TRAK1: variants seen among roughly 807,000 people sequenced by gnomAD.
TRAK1 encodes the protein trafficking kinesin-binding protein 1.
TRAK1 carries 33 observed loss-of-function variants against 92.1 expected under a neutral mutation model. That is an observed-to-expected ratio of 0.36 (90% CI 0.27 to 0.48). The LOEUF (loss-of-function observed/expected upper bound fraction) is 0.48. Among genes scored for constraint, TRAK1 ranks in the 20% least tolerant of loss-of-function variants. The pLI is 0.99. For missense variants in TRAK1, 1,123 were observed against 1,257.9 expected (o/e 0.89, Z 1.62); for synonymous variants, 521 against 517.3 (o/e 1.01, Z -0.10).
At chr3:42,121,227 G>T (rs1196795970) in intron 1 of TRAK1, among the ~76,000 whole-genome samples, 1 of 150,768 alleles carries the variant, frequency 6.6e-6, no homozygotes, top group Non-Finnish European at 1.5e-5. Context: ...CTGGCTTGAT[G>T]TTTGGCATGG....
At chr3:42,186,739 T>C (rs1559894754) in intron 4 of TRAK1, among the ~76,000 whole-genome samples, 1 of 152,168 alleles carries the variant, frequency 6.6e-6, no homozygotes, top group Admixed American at 6.5e-5. Context: ...TCTCTGGGAG[T>C]GGAAATGCCT....
At chr3:42,193,011 T>A in intron 7 of TRAK1, 64 bp from the exon 8 acceptor site, 1 of 1,581,654 alleles carries the variant, frequency 6.3e-7, no homozygotes, top group South Asian at 1.2e-5. Context: ...AAGAAACCAT[T>A]CTCTCTGGGT....
chr3:42,150,640 G>A (rs575256033), intron 2 of TRAK1, among the ~76,000 whole-genome samples: 1 of 152,098 alleles, frequency 6.6e-6, no homozygotes, highest in Non-Finnish European at 1.5e-5. Flanking sequence ...AACAGGCTGG[G>A]ACCTGGCCTA....
chr3:42,110,013 A>T (rs530787821), intron 1 of TRAK1, among the ~76,000 whole-genome samples: 1 of 146,512 alleles, frequency 6.8e-6, no homozygotes, highest in Non-Finnish European at 1.5e-5. Flanking sequence ...TGATGAGTTA[A>T]TGGGTGCAGC....
intron 2 of TRAK1, among the ~76,000 whole-genome samples, chr3:42,135,421 C>T (rs1697823216): frequency 1.3e-5 from 2 of 152,138 alleles, no homozygotes; most frequent in Admixed American, 1.3e-4. Context: ...GGAGGGAATA[C>T]CACGGTGATG....
At chr3:42,124,557 G>A (rs925447250) in intron 1 of TRAK1, among the ~76,000 whole-genome samples, 13 of 152,134 alleles carry the variant, frequency 8.5e-5, no homozygotes, top group African/African-American at 1.7e-4. Flanking sequence ...TTGGTTCTCC[G>A]TCACAGGCAT....
intron 1 of TRAK1, among the ~76,000 whole-genome samples, chr3:42,029,025 G>A (rs1702017550): frequency 6.6e-6 from 1 of 152,142 alleles, no homozygotes; most frequent in Admixed American, 6.5e-5. Flanking sequence ...GAGGCCTCAG[G>A]AAACTTACAA....
chr3:42,045,213 A>G (rs916758410), intron 1 of TRAK1, among the ~76,000 whole-genome samples: 6 of 152,136 alleles, frequency 3.9e-5, no homozygotes, highest in African/African-American at 1.4e-4. Flanking sequence ...AAAATTTTGA[A>G]GGAGGAATCA....
chr3:42,211,533 T>C (rs1286137686), intron 14 of TRAK1: 2 of 985,356 alleles, frequency 2.0e-6, no homozygotes, highest in Non-Finnish European at 2.4e-6. Context: ...TGCAGAAACA[T>C]GATGCCTGGC....
rs778900060 is a variant in TRAK1 at position 42,202,398 on chromosome 3, T to G, written c.1428-38T>G. 1.4e-6 allele frequency: 2 copies of G among 1,457,974 alleles called. No individual in the cohort carries two copies. The highest frequency in any genetic ancestry group is 1.8e-6 in the Non-Finnish European group (2 of 1,100,508). 90.3% of individuals were successfully genotyped at this position (1,457,974 alleles called of 1,614,324 possible). ...TCGGGCCTCTGTGGCCTTGGAGCCC[T>G]GCTGGCATTCCACCCTCACACCCCT... On this transcript the variant is annotated intron_variant, in intron 12 of 15. Coordinates refer to ENST00000327628, the MANE Select transcript of TRAK1 (RefSeq NM_001042646.3). This position sits in a 1 kb window ranked among gnomAD's most constrained non-coding sequence, Gnocchi z 6.1.
chr3:42,143,090 G>A (rs1698877468), intron 2 of TRAK1, among the ~76,000 whole-genome samples: 2 of 152,178 alleles, frequency 1.3e-5, no homozygotes, highest in South Asian at 4.1e-4. Context: ...TGCTGCTGAT[G>A]GATTGGAGGG....
chr3:42,105,594 T>G (rs552277898), intron 1 of TRAK1, among the ~76,000 whole-genome samples: 1 of 152,186 alleles, frequency 6.6e-6, no homozygotes, highest in Non-Finnish European at 1.5e-5. Flanking sequence ...GGAAACACTC[T>G]TCAGGATATT....
intron 3 of TRAK1, among the ~76,000 whole-genome samples, chr3:42,180,361 C>CG (rs1183362945): frequency 2.6e-5 from 4 of 152,028 alleles, no homozygotes; most frequent in African/African-American, 9.7e-5. Context: ...GGCTGAGCAA[C>CG]GTGGCTCACA....
At chr3:42,060,543 C>T (rs1211454728) in intron 1 of TRAK1, among the ~76,000 whole-genome samples, 1 of 151,656 alleles carries the variant, frequency 6.6e-6, no homozygotes, top group African/African-American at 2.4e-5. Context: ...GGTTTATAGT[C>T]TCAGTCTGTC....
At chr3:42,190,596 CTCACCCAAAGCTAGCTGAGGGAA>C (rs1375983745) in intron 6 of TRAK1, among the ~76,000 whole-genome samples, 3 of 152,156 alleles carry the variant, frequency 2.0e-5, no homozygotes, top group African/African-American at 7.2e-5. Context: ...CGCCCAGCAA[CTCACCCAAAGCTAGCTGAGGGAA>C]TCTGATCCCA....
At chr3:42,199,061 G>A (rs1314588615) in intron 10 of TRAK1, 116 bp from the exon 11 acceptor site, 4 of 985,690 alleles carry the variant, frequency 4.1e-6, no homozygotes, top group East Asian at 5.1e-5. Context: ...TGGGAAGACC[G>A]TGAGCTTCTG....
intron 6 of TRAK1, among the ~76,000 whole-genome samples, chr3:42,190,483 C>G (rs1705551939): frequency 6.6e-6 from 1 of 152,188 alleles, no homozygotes; most frequent in Non-Finnish European, 1.5e-5. Flanking sequence ...TAGGTTTCCT[C>G]TGCCAGCCAG....
At chr3:42,149,180 T>C in intron 2 of TRAK1, 1 of 1,040,390 alleles carries the variant, frequency 9.6e-7, no homozygotes, top group East Asian at 8.0e-5. Context: ...AGTGGTGGTG[T>C]GTGTCTCTGA....
Position 42,184,689 on chromosome 3 carries a change from A to G in TRAK1, c.368A>G (p.Glu123Gly). The G allele has an allele frequency of 6.2e-7, 1 of 1,614,014 alleles. No individual in the cohort carries two copies. The highest frequency in any genetic ancestry group is 2.2e-5 in the East Asian group (1 of 44,886). Residue 123 changes from glutamate to glycine, a missense_variant, in exon 4 of 16, where the codon GAG becomes GGG. Coordinates refer to ENST00000327628, the MANE Select transcript of TRAK1 (RefSeq NM_001042646.3). ...DAVTRLLEEK[E>G]RDLELAARIG... is the part of the protein sequence containing the mutation. ...TCTCCCTCTTTCCTTTTGTAGAAAG[A>G]GCGGGATTTAGAATTGGCCGCTCGC...
Sources: gnomAD v4.1 joint callset for allele counts (sites outside exome capture counted in the v4.1 genomes callset) on GRCh38, gnomAD v4.1.1 for gene constraint, Gnocchi (gnomAD v3.1) non-coding constraint, MANE v1.5 for transcripts, NCBI Gene and HGNC (gene_info 2026-07-23, HGNC 2026-07-21) for gene names.